The following EGFR variants were observed in gnomAD, a reference collection of about 807,000 sequenced individuals.
EGFR encodes the protein epidermal growth factor receptor, also known as avian erythroblastic leukemia viral (v-erb-b) oncogene homolog.
Under a neutral mutation model 143.0 loss-of-function variants are expected in EGFR, and 58 were observed. The observed-to-expected ratio is 0.41, with a 90% CI of 0.33 to 0.50. The LOEUF is 0.50. EGFR is among the 20% of genes least tolerant of loss of function. EGFR has a pLI of 0.39. For synonymous variants in EGFR, 613 were observed against 594.4 expected (o/e 1.03, Z -0.45); for missense variants, 1,307 against 1,579.0 (o/e 0.83, Z 2.92).
intron 22 of EGFR, among the ~76,000 whole-genome samples, chr7:55,194,588 A>G (rs1466588334): frequency 6.6e-6 from 1 of 152,106 alleles, no homozygotes; most frequent in Non-Finnish European, 1.5e-5. Flanking sequence ...CCTGGCCATG[A>G]CTGATGGGTT....
chr7:55,190,298 G>A (rs1787332275), intron 20 of EGFR, among the ~76,000 whole-genome samples: 1 of 152,128 alleles, frequency 6.6e-6, no homozygotes, highest in African/African-American at 2.4e-5. Context: ...TGAGGGGACA[G>A]TCCATGTAGT....
At chr7:55,150,496 T>C (rs1447202694) in intron 4 of EGFR, among the ~76,000 whole-genome samples, 2 of 152,206 alleles carry the variant, frequency 1.3e-5, no homozygotes, top group African/African-American at 4.8e-5. Flanking sequence ...TCTTCCTGAC[T>C]GCAGGGGACC....
intron 1 of EGFR, among the ~76,000 whole-genome samples, chr7:55,027,991 AAT>A (rs374300539): frequency 0.05 from 2,720 of 54,878 alleles, 74 homozygotes; most frequent in East Asian, 0.11. Context: ...AAAAAAAAAA[AAT>A]ATATATATAT....
chr7:55,107,853 T>C (rs1009137557), intron 1 of EGFR, among the ~76,000 whole-genome samples: 1 of 152,156 alleles, frequency 6.6e-6, no homozygotes, highest in Non-Finnish European at 1.5e-5. Flanking sequence ...ACTTGTAAAA[T>C]AAATGGTTTG....
intron 10 of EGFR, 100 bp from the exon 11 acceptor site, chr7:55,157,563 G>C: frequency 1.0e-6 from 1 of 972,020 alleles, no homozygotes; most frequent in East Asian, 2.4e-5. Flanking sequence ...CCCACTTACT[G>C]TTCATATAAT....
At chr7:55,046,813 G>T (rs78114930) in intron 1 of EGFR, among the ~76,000 whole-genome samples, 1 of 152,164 alleles carries the variant, frequency 6.6e-6, no homozygotes, top group East Asian at 1.9e-4. Context: ...TGTCACAATG[G>T]CAATTAGATT....
chr7:55,142,176 G>T, intron 1 of EGFR, 110 bp from the exon 2 acceptor site: 1 of 1,337,658 alleles, frequency 7.5e-7, no homozygotes, highest in South Asian at 1.2e-5. Flanking sequence ...TCTCTGTGTG[G>T]AGAGAGTGAA....
chr7:55,137,827 G>T (rs1794236186), intron 1 of EGFR, among the ~76,000 whole-genome samples: 1 of 152,204 alleles, frequency 6.6e-6, no homozygotes, highest in African/African-American at 2.4e-5. Context: ...GTGTATGGGG[G>T]CAGGGATCGA....
intron 1 of EGFR, among the ~76,000 whole-genome samples, chr7:55,090,256 G>A (rs541565500): frequency 1.3e-5 from 2 of 152,224 alleles, no homozygotes; most frequent in East Asian, 1.9e-4. Context: ...GGAGCTGTAC[G>A]TGCATTTTTA....
intron 1 of EGFR, among the ~76,000 whole-genome samples, chr7:55,043,606 C>T (rs1031674682): frequency 4.7e-5 from 5 of 106,278 alleles, no homozygotes; most frequent in African/African-American, 2.0e-4. Flanking sequence ...AAGAGAACCG[C>T]CCCCTTCTTG....
At chr7:55,178,850 T>A (rs556351115) in intron 19 of EGFR, among the ~76,000 whole-genome samples, 1 of 152,310 alleles carries the variant, frequency 6.6e-6, no homozygotes, top group Admixed American at 6.5e-5. Flanking sequence ...ATAGTTTTTG[T>A]TTGTTTGTCT....
chr7:55,193,113 C>A (rs1787474134), intron 22 of EGFR, among the ~76,000 whole-genome samples: 1 of 151,866 alleles, frequency 6.6e-6, no homozygotes, highest in Admixed American at 6.6e-5. Context: ...AACGGCTCTC[C>A]CTGCAAAGTC....
chr7:55,174,430 A>G (rs1786499053), intron 18 of EGFR, among the ~76,000 whole-genome samples: 1 of 152,240 alleles, frequency 6.6e-6, no homozygotes, highest in East Asian at 1.9e-4. Flanking sequence ...AGTTAGGCCT[A>G]GACGCAGCAT....
At chr7:55,056,503 A>G (rs1179336416) in intron 1 of EGFR, among the ~76,000 whole-genome samples, 2 of 152,184 alleles carry the variant, frequency 1.3e-5, no homozygotes, top group Non-Finnish European at 2.9e-5. Context: ...CCCATTTCAC[A>G]TATTGTTAGA....
At chr7:55,167,660 GTGT>G (rs1370822080) in intron 15 of EGFR, among the ~76,000 whole-genome samples, 2 of 151,738 alleles carry the variant, frequency 1.3e-5, no homozygotes, top group Non-Finnish European at 2.9e-5. Context: ...GGCGATGATG[GTGT>G]TGGTGGTGAG....
chr7:55,150,737 T>C (rs903116185), intron 4 of EGFR, among the ~76,000 whole-genome samples: 1 of 152,236 alleles, frequency 6.6e-6, no homozygotes, highest in African/African-American at 2.4e-5. Flanking sequence ...ATTGACCAGA[T>C]AGCTAAGGTT....
intron 1 of EGFR, among the ~76,000 whole-genome samples, chr7:55,020,035 C>T (rs915226727): frequency 6.6e-6 from 1 of 152,238 alleles, no homozygotes; most frequent in Admixed American, 6.5e-5. Context: ...GCAGCCTCGA[C>T]CTGGGAGCTG....
In EGFR at chr7:55,205,552, T is replaced by G. The variant is rs1788076781; in HGVS notation, c.3568T>G (p.Ser1190Ala). The change falls in exon 28 of 28, where the codon TCC (serine) becomes GCC (alanine). Residue 1190 changes from serine to alanine, a missense_variant. By Grantham distance (99) the Ser-to-Ala change is moderately conservative (BLOSUM62 1). Coordinates refer to ENST00000275493, the MANE Select transcript of EGFR (RefSeq NM_005228.5). The stretch of plus-strand genomic sequence containing the variant: ...CAAGCCAAATGGCATCTTTAAGGGC[T>G]CCACAGCTGAAAATGCAGAATACCT... ...EAKPNGIFKG[S>A]TAENAEYLRV... 1 of 1,614,138 alleles carries G rather than the reference T, an allele frequency of 6.2e-7. No homozygotes were observed. Among genetic ancestry groups the G allele is most frequent in the Non-Finnish European group, 8.5e-7 (1 of 1,180,026 alleles).
chr7:55,064,530 T>C (rs561315176), intron 1 of EGFR, among the ~76,000 whole-genome samples: 5 of 152,246 alleles, frequency 3.3e-5, no homozygotes, highest in African/African-American at 9.6e-5. Flanking sequence ...ACAGAGATTG[T>C]AAAGTGATTC....
Sources: allele counts gnomAD v4.1 joint callset (sites outside exome capture counted in the v4.1 genomes callset), GRCh38; gene constraint gnomAD v4.1.1; transcripts MANE v1.5; gene names NCBI Gene and HGNC (gene_info 2026-07-23, HGNC 2026-07-21).